Variants in SNTG2 observed in about 807,000 individuals in gnomAD.
The protein encoded by SNTG2 is syntrophin gamma 2.
SNTG2 carries 74 observed loss-of-function variants against 70.9 expected under a neutral mutation model. The observed-to-expected ratio is 1.04, with a 90% CI of 0.86 to 1.27. The LOEUF is 1.27. Among genes scored for constraint, SNTG2 ranks in the 50% most tolerant of loss-of-function variants. SNTG2 has a pLI of 0.00. For missense variants in SNTG2, 717 were observed against 690.7 expected (o/e 1.04, Z -0.43); for synonymous variants, 278 against 273.8 (o/e 1.02, Z -0.15).
At chr2:1,153,505 G>A (rs536004323) in intron 6 of SNTG2, among the ~76,000 whole-genome samples, 2 of 152,340 alleles carry the variant, frequency 1.3e-5, no homozygotes, top group Admixed American at 1.3e-4. Context: ...AGGAATGTCA[G>A]TAAAATGTCT....
chr2:1,090,014 T>G (rs1263322126), intron 2 of SNTG2, among the ~76,000 whole-genome samples: 1 of 152,222 alleles, frequency 6.6e-6, no homozygotes, highest in African/African-American at 2.4e-5. Flanking sequence ...TCCATTTACA[T>G]TTTTAAATTC....
At chr2:1,172,699 C>T (rs1194873062) in intron 7 of SNTG2, among the ~76,000 whole-genome samples, 1 of 152,170 alleles carries the variant, frequency 6.6e-6, no homozygotes, top group Non-Finnish European at 1.5e-5. Context: ...CTGGAAAAAA[C>T]CTTTTGAGTG....
chr2:1,274,537 G>A (rs868063954), intron 14 of SNTG2, among the ~76,000 whole-genome samples: 1 of 152,166 alleles, frequency 6.6e-6, no homozygotes, highest in African/African-American at 2.4e-5. Context: ...TTCACGGATT[G>A]TGTTTTTGGT....
At position 1,222,059 on chromosome 2, in the gene SNTG2, CTCTGTTTCTCTCTGTCTCTG is replaced by C. The variant is rs1675135243; in HGVS notation, c.719+12833_719+12852del. Among the ~76,000 whole-genome samples, 12 of 75,994 alleles carry C rather than the reference CTCTGTTTCTCTCTGTCTCTG, an allele frequency of 1.6e-4. 2 individuals are homozygous for C. The highest frequency in any genetic ancestry group is 5.1e-4 in the East Asian group (1 of 1,964). 49.9% of individuals were successfully genotyped at this position (75,994 alleles called of 152,430 possible). ...TCTGTCTCTCTCTGTCTCTCTCTGT[CTCTGTTTCTCTCTGTCTCTG>C]TCTCTGTCTCTCTCTGTCTCTCTCT... On this transcript the variant is annotated intron_variant, in intron 9 of 16. Transcript: ENST00000308624.
At chr2:1,018,781 G>A (rs1463278407) in intron 1 of SNTG2, among the ~76,000 whole-genome samples, 1 of 152,110 alleles carries the variant, frequency 6.6e-6, no homozygotes, top group Non-Finnish European at 1.5e-5. Context: ...TGATTTTTTT[G>A]TAAAATGTTG....
At chr2:1,351,172 C>T (rs1660552796) in intron 16 of SNTG2, among the ~76,000 whole-genome samples, 2 of 151,842 alleles carry the variant, frequency 1.3e-5, no homozygotes. Context: ...TGTATGTCTA[C>T]CTGACTCTGG....
intron 1 of SNTG2, among the ~76,000 whole-genome samples, chr2:973,112 T>TA (rs916827372): frequency 1.4e-4 from 22 of 152,346 alleles, no homozygotes; most frequent in African/African-American, 5.3e-4. Context: ...CAGTAATTCT[T>TA]ATAGCAAATT....
intron 12 of SNTG2, among the ~76,000 whole-genome samples, chr2:1,255,820 GTATA>G (rs34364320): frequency 6.7e-5 from 4 of 59,622 alleles, no homozygotes; most frequent in African/African-American, 2.4e-4. Context: ...AAAGTTGTAT[GTATA>G]TATATATAAA....
rs1664901767 is a variant in SNTG2, at chr2:1,089,749, AAAATC to A, written c.210+6095_210+6099del. ...CACTCAAGTAGAACTTTCAATAACT[AAAATC>A]TAACAGCAAAGACAGTTGCATAATC... On this transcript the variant is annotated intron_variant, in intron 2 of 16. Transcript: ENST00000308624. 2.0e-5 allele frequency among the ~76,000 whole-genome samples: 3 copies of A among 152,276 alleles called. No homozygotes were observed. In the South Asian group the frequency reaches 6.2e-4, roughly 32 times the overall value.
chr2:1,061,259 C>T (rs535647086), intron 1 of SNTG2, among the ~76,000 whole-genome samples: 55 of 152,120 alleles, frequency 3.6e-4, no homozygotes, highest in Admixed American at 2.1e-3. Flanking sequence ...CTGGGTTGGA[C>T]GCTGGGGTGG....
chr2:1,246,275 C>T (rs1174847298), intron 11 of SNTG2, among the ~76,000 whole-genome samples: 1 of 152,204 alleles, frequency 6.6e-6, no homozygotes, highest in Non-Finnish European at 1.5e-5. Flanking sequence ...CTAGAAATAC[C>T]GTTTGTAGAA....
At chr2:1,359,622 A>G (rs2148317066) in intron 16 of SNTG2, among the ~76,000 whole-genome samples, 1 of 152,210 alleles carries the variant, frequency 6.6e-6, no homozygotes, top group Middle Eastern at 3.4e-3. Flanking sequence ...GTTGTTGTCT[A>G]TTTCACCACT....
chr2:1,152,013 A>G (rs1212547043), intron 6 of SNTG2, among the ~76,000 whole-genome samples: 2 of 152,182 alleles, frequency 1.3e-5, no homozygotes, highest in Admixed American at 1.3e-4. Flanking sequence ...TAAATACGTA[A>G]GCATTTATGG....
chr2:1,272,743 ACCCCAGGGAGCGGG>A, intron 14 of SNTG2, among the ~76,000 whole-genome samples: 2 of 145,462 alleles, frequency 1.4e-5, no homozygotes, highest in Admixed American at 6.8e-5. Context: ...CAGAAAGGAC[ACCCCAGGGAGCGGG>A]TGCAGAAAGG....
rs531613353 is a variant in SNTG2 at position 1,308,747 on chromosome 2, A to G, written c.1377+161A>G. Among the ~76,000 whole-genome samples the G allele has an allele frequency of 5.9e-5, 9 of 152,284 alleles. No homozygotes were observed. In the South Asian group the frequency reaches 1.7e-3, roughly 28 times the overall value. On this transcript the variant is annotated intron_variant, in intron 15 of 16. Transcript: ENST00000308624. ...CATAGACTTTTTTTTCTGATAGCTC[A>G]GGGCCCCAGGATCGCCACAAGCCCT... is the stretch of plus-strand genomic sequence containing the variant.
intron 14 of SNTG2, among the ~76,000 whole-genome samples, chr2:1,281,798 C>T (rs1449324805): frequency 6.6e-6 from 1 of 152,078 alleles, no homozygotes; most frequent in African/African-American, 2.4e-5. Flanking sequence ...GGACCCTTGC[C>T]CTGCCTGAAC....
chr2:984,407 T>C (rs998981283), intron 1 of SNTG2, among the ~76,000 whole-genome samples: 4 of 152,084 alleles, frequency 2.6e-5, no homozygotes, highest in African/African-American at 9.7e-5. Context: ...TCTTCCAGCA[T>C]GAGGCTTTTT....
chr2:968,773 T>C (rs1425724942), intron 1 of SNTG2, among the ~76,000 whole-genome samples: 3 of 152,206 alleles, frequency 2.0e-5, no homozygotes, highest in Admixed American at 6.5e-5. Flanking sequence ...TATTAGATCT[T>C]TGCTAGATAC....
chr2:1,172,658 T>A lies in SNTG2; in HGVS notation c.500-434T>A, dbSNP rs148689287. ...CCTGTTTTACCTGTAATGTGCTAAG[T>A]GCTTTGAGTGTGAGCTTTTCAATAT... On this transcript the variant is annotated intron_variant, in intron 7 of 16. Coordinates refer to ENST00000308624, the MANE Select transcript of SNTG2 (RefSeq NM_018968.4). 2.8e-4 allele frequency among the ~76,000 whole-genome samples: 43 copies of A among 152,366 alleles called. No individual in the cohort carries two copies. The East Asian group carries it at 7.7e-3, about 27-fold the overall frequency.
Sources: allele counts gnomAD v4.1 joint callset (sites outside exome capture counted in the v4.1 genomes callset), GRCh38; gene constraint gnomAD v4.1.1; transcripts MANE v1.5; gene names NCBI Gene and HGNC (gene_info 2026-07-23, HGNC 2026-07-21).